Variants in SLC36A1 observed in about 807,000 individuals in gnomAD.
SLC36A1 encodes the protein proton-coupled amino acid transporter 1.
In SLC36A1, 30 loss-of-function variants were observed where a neutral mutation model predicts 47.5. The observed-to-expected ratio is 0.63, with a 90% CI of 0.47 to 0.86. The LOEUF is 0.86. Among genes scored for constraint, SLC36A1 ranks in the 40% least tolerant of loss-of-function variants. SLC36A1 has a pLI of 0.00. For synonymous variants in SLC36A1, 255 were observed against 249.7 expected (o/e 1.02, Z -0.20); for missense variants, 517 against 606.0 (o/e 0.85, Z 1.54).
chr5:151,483,996 G>C (rs1052115843), intron 10 of SLC36A1, among the ~76,000 whole-genome samples: 2 of 152,070 alleles, frequency 1.3e-5, no homozygotes, highest in Non-Finnish European at 2.9e-5. Context: ...CTTATATAGT[G>C]GTGAAAACAA....
At position 151,488,596 on chromosome 5, in the gene SLC36A1, CTTTA is replaced by C; in HGVS notation, c.*347_*350del. ...CAACTCATTCTTACTGCACAGTTCA[CTTTA>C]TTTAACAATTTTCATGTCCCCCACC... On this transcript the variant is annotated 3_prime_UTR_variant, in exon 11 of 11. Coordinates refer to ENST00000243389, the MANE Select transcript of SLC36A1 (RefSeq NM_078483.4). 3.9e-6 allele frequency: 1 copy of C among 258,010 alleles called. No homozygotes were observed. The highest frequency in any genetic ancestry group is 8.3e-5 in the East Asian group (1 of 12,046). 16.0% of individuals were successfully genotyped at this position (258,010 alleles called of 1,614,324 possible). A position where few individuals can be genotyped will look rare whatever the true frequency, so the allele number is the denominator to read the frequency against.
the SLC36A1 span, chr5:151,550,600 A>G: frequency 6.2e-7 from 1 of 1,614,088 alleles, no homozygotes; most frequent in Non-Finnish European, 8.5e-7. Context: ...CATGACTGTC[A>G]GTGTGTGCTG....
the SLC36A1 span, among the ~76,000 whole-genome samples, chr5:151,397,833 G>T: frequency 6.8e-6 from 1 of 147,266 alleles, no homozygotes; most frequent in South Asian, 2.2e-4. Context: ...ATTATTACAT[G>T]TGGCCGGGCA....
At chr5:151,485,324 A>G (rs1001521834) in intron 10 of SLC36A1, among the ~76,000 whole-genome samples, 1 of 152,166 alleles carries the variant, frequency 6.6e-6, no homozygotes, top group Non-Finnish European at 1.5e-5. Flanking sequence ...AGTATATAAC[A>G]CTGTGGCAGA....
chr5:151,554,214 G>A, the SLC36A1 span: 1 of 722,322 alleles, frequency 1.4e-6, no homozygotes, highest in Non-Finnish European at 2.2e-6. Flanking sequence ...GGCTGAAGCT[G>A]AGACTCCCAG....
chr5:151,488,179 C>G lies in SLC36A1; in HGVS notation c.1356C>G (p.Thr452=). Residue 452 remains threonine, a synonymous_variant, in exon 11 of 11, where the codon ACC becomes ACG. Transcript: ENST00000243389. The part of the protein sequence containing the change: ...ILGFVGFVVG[T]YEALYELIQP... ...GCTTCGTGGGCTTTGTGGTGGGGACCTATGAGGCTCTCTATGAGCTGATCC... is the reference window on the plus strand; with the variant it reads ...GCTTCGTGGGCTTTGTGGTGGGGACGTATGAGGCTCTCTATGAGCTGATCC... The G allele has an allele frequency of 3.1e-6, 5 of 1,614,182 alleles. No homozygotes were observed. Among genetic ancestry groups the G allele is most frequent in the Non-Finnish European group, 4.2e-6 (5 of 1,180,042 alleles).
chr5:151,395,274 G>GA, the SLC36A1 span, among the ~76,000 whole-genome samples: 1 of 152,224 alleles, frequency 6.6e-6, no homozygotes, highest in Non-Finnish European at 1.5e-5. Context: ...ATTAGGGTGG[G>GA]AGTGACCCAA....
intron 2 of SLC36A1, 66 bp downstream of exon 2, chr5:151,459,001 T>C (rs1326665361): frequency 2.0e-6 from 3 of 1,499,184 alleles, no homozygotes; most frequent in African/African-American, 1.4e-5. Context: ...CTTGGACTTA[T>C]TTTTCCCCCC....
the SLC36A1 span, among the ~76,000 whole-genome samples, chr5:151,497,992 C>G: frequency 6.6e-6 from 1 of 151,174 alleles, no homozygotes; most frequent in Admixed American, 6.6e-5. Flanking sequence ...ATCCCCCAGG[C>G]TGGAGTACAA....
At position 151,476,700 on chromosome 5, in the gene SLC36A1, C is replaced by A; in HGVS notation, c.933C>A (p.Tyr311Ter). 1 of 1,613,570 alleles carries A rather than the reference C, an allele frequency of 6.2e-7. No individual in the cohort carries two copies. Among genetic ancestry groups the A allele is most frequent in the Non-Finnish European group, 8.5e-7 (1 of 1,179,698 alleles). ...ILYISLGCLG[Y>*]LQFGANIQGS... ...ACATCAGCCTGGGGTGTCTGGGGTA[C>A]CTGCAATTTGGAGCTAATATCCAAG... The change falls in exon 9 of 11, where the codon TAC becomes TAA. Residue 311 changes from tyrosine to a stop codon, truncating the protein, a stop_gained. Transcript: ENST00000243389. LOFTEE classifies it high-confidence loss of function.
At chr5:151,383,051 A>G in the SLC36A1 span, among the ~76,000 whole-genome samples, 1 of 152,156 alleles carries the variant, frequency 6.6e-6, no homozygotes, top group Non-Finnish European at 1.5e-5. Flanking sequence ...GGAGTGAGCC[A>G]CCGCACCCGG....
the SLC36A1 span, among the ~76,000 whole-genome samples, chr5:151,540,392 C>T: frequency 6.6e-6 from 1 of 151,670 alleles, no homozygotes; most frequent in Non-Finnish European, 1.5e-5. Context: ...AATCTCCCTT[C>T]TCCTGCCCCT....
intron 1 of SLC36A1, among the ~76,000 whole-genome samples, chr5:151,448,536 T>C (rs1376175456): frequency 6.6e-6 from 1 of 152,204 alleles, no homozygotes; most frequent in Admixed American, 6.5e-5. Context: ...TCTATGTAAG[T>C]CACACCAAAA....
chr5:151,523,148 A>T, the SLC36A1 span, among the ~76,000 whole-genome samples: 3 of 152,182 alleles, frequency 2.0e-5, no homozygotes, highest in Non-Finnish European at 2.9e-5. Flanking sequence ...AAGAAAGTTG[A>T]TAAGATTACA....
the SLC36A1 span, chr5:151,505,738 C>A: frequency 2.5e-6 from 4 of 1,613,760 alleles, no homozygotes; most frequent in Non-Finnish European, 3.4e-6. Flanking sequence ...TTGTAGCCCC[C>A]GTCTGCCAGG....
intron 7 of SLC36A1, among the ~76,000 whole-genome samples, chr5:151,469,661 T>C (rs1757050101): frequency 6.6e-6 from 1 of 152,176 alleles, no homozygotes; most frequent in African/African-American, 2.4e-5. Flanking sequence ...CAAGTTGTTT[T>C]TTCCAAAAGC....
the SLC36A1 span, among the ~76,000 whole-genome samples, chr5:151,372,336 C>T: frequency 2.0e-5 from 3 of 151,892 alleles, no homozygotes; most frequent in African/African-American, 7.3e-5. Flanking sequence ...ATTTGGACAG[C>T]ATGTGTGAAC....
chr5:151,476,248 G>A (rs893833876), intron 8 of SLC36A1, among the ~76,000 whole-genome samples: 3 of 152,250 alleles, frequency 2.0e-5, no homozygotes, highest in African/African-American at 7.2e-5. Context: ...ACATGAGAGG[G>A]CCTTCTGGTT....
the SLC36A1 span, among the ~76,000 whole-genome samples, chr5:151,357,268 A>G: frequency 6.6e-6 from 1 of 152,210 alleles, no homozygotes. Context: ...TGGTTGTGTG[A>G]TAATAGGTGG....
Sources: allele counts gnomAD v4.1 joint callset (sites outside exome capture counted in the v4.1 genomes callset), GRCh38; gene constraint gnomAD v4.1.1; transcripts MANE v1.5; gene names NCBI Gene and HGNC (gene_info 2026-07-23, HGNC 2026-07-21).